Variants in DOCK1 observed in about 807,000 individuals in gnomAD.
DOCK1 encodes dedicator of cytokinesis protein 1.
DOCK1 carries 138 observed loss-of-function variants against 262.7 expected under a neutral mutation model. The ratio of observed to expected loss-of-function variants is 0.53; its 90% CI spans 0.46 to 0.61. The LOEUF (loss-of-function observed/expected upper bound fraction) is 0.61. Ranked by LOEUF, DOCK1 falls within the 20% of genes least tolerant of loss-of-function variation. The pLI is 0.00. For synonymous variants in DOCK1, 866 were observed against 867.4 expected (o/e 1.00, Z 0.03); for missense variants, 1,908 against 2,370.7 (o/e 0.80, Z 4.05).
rs922773901 is a variant in DOCK1, at chr10:127,446,556, C to T, written c.5414-838C>T. ...GAAGCCTTCGTATTTCCCTCAGCCC[C>T]ATGGCAGAGCTTCCTTATAAGCTTA... is the stretch of plus-strand genomic sequence containing the variant. On this transcript the variant is annotated intron_variant, in intron 50 of 51. Coordinates refer to ENST00000623213, the MANE Select transcript of DOCK1 (RefSeq NM_001290223.2). This position sits in a 1 kb window ranked among gnomAD's most constrained non-coding sequence, Gnocchi z 4.4. 2.0e-5 allele frequency among the ~76,000 whole-genome samples: 3 copies of T among 152,126 alleles called. No homozygotes were observed. The highest frequency in any genetic ancestry group is 7.2e-5 in the African/African-American group (3 of 41,432).
chr10:127,262,093 C>T (rs1468195785), intron 29 of DOCK1, among the ~76,000 whole-genome samples: 8 of 95,480 alleles, frequency 8.4e-5, no homozygotes, highest in Non-Finnish European at 1.0e-4. Context: ...TGTGTGTACC[C>T]GTGCTCCTCT....
At chr10:127,265,737 G>A (rs1000625482) in intron 29 of DOCK1, among the ~76,000 whole-genome samples, 1 of 152,110 alleles carries the variant, frequency 6.6e-6, no homozygotes, top group Non-Finnish European at 1.5e-5. Flanking sequence ...TCACTTATAA[G>A]TATTATCTAC....
At chr10:127,095,082 G>A (rs774439880) in intron 23 of DOCK1, among the ~76,000 whole-genome samples, 1 of 152,252 alleles carries the variant, frequency 6.6e-6, no homozygotes, top group Non-Finnish European at 1.5e-5. Context: ...TTACGGTAAT[G>A]CTCCTATTTA....
chr10:126,947,884 GTGGTGGT>G (rs2035672893), intron 1 of DOCK1, among the ~76,000 whole-genome samples: 1 of 115,740 alleles, frequency 8.6e-6, no homozygotes, highest in African/African-American at 4.0e-5. Flanking sequence ...GGTGGTGATG[GTGGTGGT>G]TGGTAGTATT....
chr10:127,228,953 C>T (rs529858636), intron 27 of DOCK1, among the ~76,000 whole-genome samples: 2 of 152,128 alleles, frequency 1.3e-5, no homozygotes, highest in Non-Finnish European at 2.9e-5. Context: ...CCGTCTTTGG[C>T]CGGGTGCAGT....
intron 36 of DOCK1, among the ~76,000 whole-genome samples, 192 bp from the exon 37 acceptor site, chr10:127,381,086 A>G (rs1435633723): frequency 3.9e-5 from 6 of 152,212 alleles, no homozygotes; most frequent in Non-Finnish European, 2.9e-5. Context: ...TTTGTGTATC[A>G]TCTTTATTTT....
At chr10:127,261,705 CTGCATGTGTG>C (rs1382530344) in intron 29 of DOCK1, among the ~76,000 whole-genome samples, 12 of 115,572 alleles carry the variant, frequency 1.0e-4, no homozygotes, top group African/African-American at 6.9e-5. Flanking sequence ...GTGCGTGTAC[CTGCATGTGTG>C]TGCATGTGGG....
chr10:127,204,005 G>C (rs1256611675), intron 27 of DOCK1, among the ~76,000 whole-genome samples: 1 of 151,346 alleles, frequency 6.6e-6, no homozygotes, highest in Non-Finnish European at 1.5e-5. Context: ...AGTTTAAAGT[G>C]AATATGGCTA....
intron 29 of DOCK1, among the ~76,000 whole-genome samples, chr10:127,302,996 G>GT (rs2061742091): frequency 6.6e-6 from 1 of 152,024 alleles, no homozygotes; most frequent in Admixed American, 6.6e-5. Context: ...TAAGTCTTGC[G>GT]TTTAAGTTTA....
chr10:127,118,604 C>T (rs980949510), intron 25 of DOCK1, among the ~76,000 whole-genome samples: 5 of 152,258 alleles, frequency 3.3e-5, no homozygotes, highest in Admixed American at 1.3e-4. Context: ...GCTACTGTGC[C>T]CCCTCCTTCC....
intron 27 of DOCK1, among the ~76,000 whole-genome samples, chr10:127,164,203 A>C (rs1386383126): frequency 5.0e-5 from 4 of 79,384 alleles, no homozygotes; most frequent in African/African-American, 2.2e-4. Context: ...TTTTTTTTTG[A>C]GACAGAGTCC....
intron 29 of DOCK1, among the ~76,000 whole-genome samples, chr10:127,313,783 G>A (rs2062155030): frequency 6.6e-6 from 1 of 152,150 alleles, no homozygotes; most frequent in Admixed American, 6.5e-5. Flanking sequence ...TGTTAGACAG[G>A]TTCGCCTGAG....
chr10:126,921,777 C>G (rs986899569), intron 1 of DOCK1, among the ~76,000 whole-genome samples: 5 of 152,070 alleles, frequency 3.3e-5, no homozygotes, highest in Non-Finnish European at 5.9e-5. Flanking sequence ...CTCAGCCTCC[C>G]GAGTAGCTGG....
intron 6 of DOCK1, among the ~76,000 whole-genome samples, chr10:126,991,048 G>A (rs983248223): frequency 6.6e-6 from 1 of 152,180 alleles, no homozygotes; most frequent in Non-Finnish European, 1.5e-5. Context: ...CACCTGTGTA[G>A]GCTTGCCAGT....
chr10:126,910,619 T>G (rs2031629435), intron 1 of DOCK1, among the ~76,000 whole-genome samples: 1 of 152,242 alleles, frequency 6.6e-6, no homozygotes, highest in Admixed American at 6.5e-5. Context: ...ATTACTAGTT[T>G]CACCTAAGGT....
At chr10:127,395,580 C>T (rs757377203) in intron 38 of DOCK1, among the ~76,000 whole-genome samples, 7 of 152,184 alleles carry the variant, frequency 4.6e-5, no homozygotes, top group Non-Finnish European at 1.0e-4. Flanking sequence ...TACAAGGACC[C>T]AATGGAAATT....
intron 48 of DOCK1, 96 bp downstream of exon 48, chr10:127,433,524 G>C (rs2069446844): frequency 7.0e-7 from 1 of 1,432,932 alleles, no homozygotes; most frequent in Non-Finnish European, 9.3e-7. Context: ...TCTTACAACT[G>C]AGGATTTTGT....
intron 29 of DOCK1, among the ~76,000 whole-genome samples, chr10:127,303,560 G>A (rs184417133): frequency 6.6e-6 from 1 of 151,658 alleles, no homozygotes; most frequent in Non-Finnish European, 1.5e-5. Flanking sequence ...GGCATGGGTG[G>A]CTCACACCTG....
Position 127,106,604 on chromosome 10 carries a change from G to A in DOCK1, c.2516+303G>A, listed in dbSNP as rs567662085. On this transcript the variant is annotated intron_variant, in intron 24 of 51. Coordinates refer to ENST00000623213, the MANE Select transcript of DOCK1 (RefSeq NM_001290223.2). Reference sequence around the variant, plus strand: ...GAGGTTTGAATTTCAGTATGTGGTTGTTGGTTTTGCTCTTGTTTTCAGCAC... The same window carrying A: ...GAGGTTTGAATTTCAGTATGTGGTTATTGGTTTTGCTCTTGTTTTCAGCAC... Among the ~76,000 whole-genome samples, 8 of 152,234 alleles carry A rather than the reference G, an allele frequency of 5.3e-5. No homozygotes were observed. The South Asian group carries it at 1.7e-3, about 32-fold the overall frequency.
Sources: allele counts gnomAD v4.1 joint callset (sites outside exome capture counted in the v4.1 genomes callset), GRCh38; gene constraint gnomAD v4.1.1; non-coding constraint Gnocchi (gnomAD v3.1); transcripts MANE v1.5; gene names NCBI Gene and HGNC (gene_info 2026-07-23, HGNC 2026-07-21).